ADCY1: variants seen among roughly 807,000 people sequenced by gnomAD.
ADCY1 encodes adenylate cyclase 1, also known as adenylate cyclase type 1.
ADCY1 carries 28 observed loss-of-function variants against 105.4 expected under a neutral mutation model. The ratio of observed to expected loss-of-function variants is 0.27; its 90% CI spans 0.20 to 0.36. ADCY1 has a LOEUF of 0.36. ADCY1 is among the 10% of genes least tolerant of loss of function. The pLI, the probability that ADCY1 is intolerant of heterozygous loss-of-function variation, is 1.00. For missense variants in ADCY1, 977 were observed against 1,434.2 expected (o/e 0.68, Z 5.15); for synonymous variants, 655 against 623.8 (o/e 1.05, Z -0.75).
At chr7:45,604,721 G>T (rs1011140063) in intron 2 of ADCY1, among the ~76,000 whole-genome samples, 1 of 152,070 alleles carries the variant, frequency 6.6e-6, no homozygotes, top group Admixed American at 6.5e-5. Flanking sequence ...CTGGATTATT[G>T]TTGTTTTATA....
chr7:45,660,005 T>TC (rs1404483484), intron 6 of ADCY1, 37 bp from the exon 7 acceptor site: 1 of 1,612,684 alleles, frequency 6.2e-7, no homozygotes, highest in Non-Finnish European at 8.5e-7. Flanking sequence ...CAGCAGTGGT[T>TC]CCCCACTCAT....
rs1226143153 is a variant in ADCY1 at position 45,574,796 on chromosome 7, G to C, written c.253G>C (p.Gly85Arg). The C allele has an allele frequency of 9.6e-6, 15 of 1,562,100 alleles. No individual in the cohort carries two copies. The highest frequency in any genetic ancestry group is 1.3e-5 in the Non-Finnish European group (15 of 1,161,256). Reference protein sequence around the residue: ...LALAELLGAPGPAPGLAKGSH... With the variant: ...LALAELLGAPRPAPGLAKGSH... ...GCTGGCCGAGCTGCTGGGCGCGCCG[G>C]GGCCCGCGCCCGGCCTGGCCAAGGG... The change falls in exon 1 of 20, where the codon GGG (glycine) becomes CGG (arginine). Residue 85 changes from glycine to arginine, a missense_variant. By Grantham distance (125) the Gly-to-Arg change is moderately radical. Coordinates refer to ENST00000297323, the MANE Select transcript of ADCY1 (RefSeq NM_021116.4). The surrounding 1 kb of genome is among the most constrained non-coding windows in gnomAD (Gnocchi z 7.0).
chr7:45,676,185 A>C (rs1043213352), intron 8 of ADCY1, among the ~76,000 whole-genome samples: 1 of 151,490 alleles, frequency 6.6e-6, no homozygotes, highest in Non-Finnish European at 1.5e-5. Context: ...TTAAATTTTG[A>C]TTATTGTATT....
chr7:45,608,946 A>G (rs887637929), intron 2 of ADCY1, among the ~76,000 whole-genome samples: 1 of 152,204 alleles, frequency 6.6e-6, no homozygotes, highest in African/African-American at 2.4e-5. Context: ...CAGCTGAGGC[A>G]TAGACTTAGC....
chr7:45,578,740 A>G (rs1342076639), intron 1 of ADCY1, among the ~76,000 whole-genome samples: 2 of 152,158 alleles, frequency 1.3e-5, no homozygotes, highest in Non-Finnish European at 2.9e-5. Context: ...CCTGGGGAGA[A>G]CCAGGGTGCA....
At position 45,721,302 on chromosome 7, in the gene ADCY1, C is replaced by T. The variant is rs188742449; in HGVS notation, c.*7307C>T. ...TCCTCTTGGGTAAGAGGAATTCCTC[C>T]TTCTTTACTAACTGATCCCCAGCAA... is the stretch of plus-strand genomic sequence containing the variant. On this transcript the variant is annotated 3_prime_UTR_variant, in exon 20 of 20. Transcript: ENST00000297323. 1.2e-5 allele frequency: 2 copies of T among 168,068 alleles called. No individual in the cohort carries two copies. Among genetic ancestry groups the T allele is most frequent in the Admixed American group, 1.3e-4 (2 of 15,738 alleles). The allele number at this position is 168,068 out of a possible 1,614,324, so 10.4% of individuals were successfully genotyped here.
At chr7:45,627,253 G>A (rs1055121702) in intron 4 of ADCY1, among the ~76,000 whole-genome samples, 2 of 152,142 alleles carry the variant, frequency 1.3e-5, no homozygotes, top group East Asian at 1.9e-4. Context: ...TTATGGCTCC[G>A]AAGCCTGTCT....
In ADCY1 at chr7:45,709,866, C is replaced by T. The variant is rs77405445; in HGVS notation, c.2933-662C>T. ...ACTTACAGGGAAGGAAGTCCAGGCT[C>T]AGAGAGGGTGAGTGCTTTGCAGAAA... On this transcript the variant is annotated intron_variant, in intron 18 of 19. Coordinates refer to ENST00000297323, the MANE Select transcript of ADCY1 (RefSeq NM_021116.4). Among the ~76,000 whole-genome samples the T allele has an allele frequency of 1.4e-4, 22 of 152,302 alleles. No individual in the cohort carries two copies. The East Asian group carries it at 4.1e-3, about 28-fold the overall frequency.
intron 3 of ADCY1, 88 bp downstream of exon 3, chr7:45,610,585 G>T: frequency 1.7e-6 from 2 of 1,161,242 alleles, no homozygotes; most frequent in Non-Finnish European, 2.6e-6. Context: ...GATGACAGAA[G>T]TGGGGAAGGG....
intron 3 of ADCY1, among the ~76,000 whole-genome samples, chr7:45,611,114 T>TGGAG (rs1793576796): frequency 2.5e-5 from 1 of 40,812 alleles, no homozygotes; most frequent in Non-Finnish European, 5.2e-5. Flanking sequence ...TGATGGTGGA[T>TGGAG]GTGATGGTGG....
chr7:45,703,736 A>C lies in ADCY1; in HGVS notation c.2708A>C (p.Asp903Ala), dbSNP rs780669017. The C allele has an allele frequency of 1.3e-6, 2 of 1,582,416 alleles. No homozygotes were observed. The highest frequency in any genetic ancestry group is 8.6e-7 in the Non-Finnish European group (1 of 1,162,422). ...CLRLLNEIIA[D>A]FDELMEKDFY... Reference sequence around the variant, plus strand: ...CGGCTTCTCAACGAGATCATCGCCGACTTTGACGAGGTGAGGCTGTGCGTC... The same window carrying C: ...CGGCTTCTCAACGAGATCATCGCCGCCTTTGACGAGGTGAGGCTGTGCGTC... The change falls in exon 16 of 20, where the codon GAC (aspartate) becomes GCC (alanine). Residue 903 changes from aspartate (D) to alanine (A), a missense_variant. Physicochemically the swap from Asp to Ala is moderately radical, Grantham distance 126. This residue lies in a region of ADCY1 where 152 missense variants were observed against 293.7 expected (regional missense o/e 0.52). Coordinates refer to ENST00000297323, the MANE Select transcript of ADCY1 (RefSeq NM_021116.4). The surrounding 1 kb of genome is among the most constrained non-coding windows in gnomAD (Gnocchi z 5.9).
intron 4 of ADCY1, among the ~76,000 whole-genome samples, chr7:45,642,559 T>C (rs1794554175): frequency 6.6e-6 from 1 of 152,220 alleles, no homozygotes; most frequent in African/African-American, 2.4e-5. Flanking sequence ...TATGAACTGG[T>C]AGATCTTCAG....
At chr7:45,685,150 G>A in intron 12 of ADCY1, 82 bp downstream of exon 12, 1 of 1,328,102 alleles carries the variant, frequency 7.5e-7, no homozygotes, top group Non-Finnish European at 1.1e-6. Flanking sequence ...AGGACCCAGG[G>A]CTGCAGAGAC....
At chr7:45,677,475 TTC>T (rs1169261213) in intron 8 of ADCY1, among the ~76,000 whole-genome samples, 6 of 152,184 alleles carry the variant, frequency 3.9e-5, no homozygotes, top group Admixed American at 3.9e-4. Flanking sequence ...TTGCCACCGT[TTC>T]TCTCTCTTAG....
intron 2 of ADCY1, among the ~76,000 whole-genome samples, chr7:45,596,283 ACTT>A (rs1236147659): frequency 6.6e-6 from 1 of 152,012 alleles, no homozygotes. Flanking sequence ...TTCTCCAGCC[ACTT>A]GAACTGTCCA....
chr7:45,712,280 A>G (rs1785275771), intron 19 of ADCY1, among the ~76,000 whole-genome samples: 2 of 144,330 alleles, frequency 1.4e-5, no homozygotes, highest in Non-Finnish European at 3.0e-5. Flanking sequence ...ACTTTTTTTT[A>G]CAATGACTGT....
chr7:45,666,580 A>G (rs1486893029), intron 8 of ADCY1, among the ~76,000 whole-genome samples: 2 of 152,248 alleles, frequency 1.3e-5, no homozygotes, highest in Non-Finnish European at 2.9e-5. Flanking sequence ...TAGTGCCGCA[A>G]TAAACATACG....
At chr7:45,626,621 A>G (rs901220341) in intron 4 of ADCY1, among the ~76,000 whole-genome samples, 3 of 152,234 alleles carry the variant, frequency 2.0e-5, no homozygotes, top group Non-Finnish European at 4.4e-5. Flanking sequence ...GCAGCAGCAG[A>G]AATAGCATCA....
chr7:45,600,197 C>T (rs577158580), intron 2 of ADCY1, among the ~76,000 whole-genome samples: 1 of 152,344 alleles, frequency 6.6e-6, no homozygotes, highest in East Asian at 1.9e-4. Flanking sequence ...GGCAGATCCG[C>T]TGCAAGGAGT....
Sources: gnomAD v4.1 joint callset for allele counts (sites outside exome capture counted in the v4.1 genomes callset) on GRCh38, gnomAD v4.1.1 for gene constraint, gnomAD v4.1.1 regional missense constraint, Gnocchi (gnomAD v3.1) non-coding constraint, MANE v1.5 for transcripts, NCBI Gene and HGNC (gene_info 2026-07-23, HGNC 2026-07-21) for gene names.